DYNC1H1: variants seen among roughly 807,000 people sequenced by gnomAD.
The protein encoded by DYNC1H1 is dynein cytoplasmic 1 heavy chain 1.
DYNC1H1 carries 51 observed loss-of-function variants against 527.1 expected under a neutral mutation model. The observed-to-expected ratio is 0.10, with a 90% CI of 0.08 to 0.12. The LOEUF is 0.12. Ranked by LOEUF, DYNC1H1 falls within the 10% of genes least tolerant of loss-of-function variation. The pLI is 1.00. For synonymous variants in DYNC1H1, 2,189 were observed against 2,278.8 expected (o/e 0.96, Z 1.12); for missense variants, 2,771 against 5,971.8 (o/e 0.46, Z 17.66).
chr14:101,998,696 T>C (rs1033185400), intron 16 of DYNC1H1, among the ~76,000 whole-genome samples: 2 of 152,178 alleles, frequency 1.3e-5, no homozygotes, highest in East Asian at 3.9e-4. Context: ...GGTTCTACTG[T>C]GTGCTTAATT....
chr14:101,994,353 T>G, intron 12 of DYNC1H1, 29 bp downstream of exon 12: 1 of 1,614,094 alleles, frequency 6.2e-7, no homozygotes, highest in Admixed American at 1.7e-5. Context: ...CATTCAAATG[T>G]GCATATGGTC....
At position 102,016,718 on chromosome 14, in the gene DYNC1H1, G is replaced by C; in HGVS notation, c.7615-48G>C. ...TGTTCAGGTAAACAAACCTCGTGAG[G>C]AGGCACCTTGGTTGCAGCCGGACTC... On this transcript the variant is annotated intron_variant, in intron 37 of 77. Coordinates refer to ENST00000360184, the MANE Select transcript of DYNC1H1 (RefSeq NM_001376.5). The surrounding 1 kb of genome is among the most constrained non-coding windows in gnomAD (Gnocchi z 7.3). 6.3e-7 allele frequency: 1 copy of C among 1,594,540 alleles called. No individual in the cohort carries two copies.
Position 102,048,675 on chromosome 14 carries a change from TGA to T in DYNC1H1, c.13372+10_13372+11del. The T allele has an allele frequency of 6.2e-7, 1 of 1,612,298 alleles. No homozygotes were observed. The highest frequency in any genetic ancestry group is 8.5e-7 in the Non-Finnish European group (1 of 1,179,784). The stretch of plus-strand genomic sequence containing the variant: ...GATCAACGAGCTAGTGAAAGGTGCG[TGA>T]GAGGCCGAACTCGTGGTGTGGCTTC... On this transcript the variant is annotated splice_region_variant and intron_variant, in intron 74 of 77. Coordinates refer to ENST00000360184, the MANE Select transcript of DYNC1H1 (RefSeq NM_001376.5).
Position 102,050,622 on chromosome 14 carries a change from T to A in DYNC1H1, c.*59T>A. The stretch of plus-strand genomic sequence containing the variant: ...AGTTGGTATTTAACATTTATTCATT[T>A]TTAAAATATTTGGAAGGTCTGAGCT... On this transcript the variant is annotated 3_prime_UTR_variant, in exon 78 of 78. Transcript: ENST00000360184. The A allele has an allele frequency of 2.5e-6, 4 of 1,613,232 alleles. No homozygotes were observed. The highest frequency in any genetic ancestry group is 3.4e-6 in the Non-Finnish European group (4 of 1,179,350).
At position 102,044,949 on chromosome 14, in the gene DYNC1H1, A is replaced by C. The variant is rs1323084054; in HGVS notation, c.13006+251A>C. 2 of 562,608 alleles carry C rather than the reference A, an allele frequency of 3.6e-6. No individual in the cohort carries two copies. The highest frequency in any genetic ancestry group is 6.4e-6 in the Non-Finnish European group (2 of 313,416). 34.9% of individuals were successfully genotyped at this position (562,608 alleles called of 1,614,324 possible). Reference sequence around the variant, plus strand: ...CAGCATCAACTCAGTTCTAGAGAAAAGGCTTGATATTTATGTAAATGAGCC... The same window carrying C: ...CAGCATCAACTCAGTTCTAGAGAAACGGCTTGATATTTATGTAAATGAGCC... On this transcript the variant is annotated intron_variant, in intron 72 of 77. Transcript: ENST00000360184. The surrounding 1 kb of genome is among the most constrained non-coding windows in gnomAD (Gnocchi z 7.1).
chr14:101,995,474 G>A (rs1416301033), intron 15 of DYNC1H1, among the ~76,000 whole-genome samples, 174 bp downstream of exon 15: 1 of 152,110 alleles, frequency 6.6e-6, no homozygotes, highest in African/African-American at 2.4e-5. Context: ...AGCCGGGTGT[G>A]GTGGCGGGTA....
intron 2 of DYNC1H1, among the ~76,000 whole-genome samples, chr14:101,976,814 T>G (rs771566029): frequency 2.6e-5 from 4 of 152,116 alleles, no homozygotes; most frequent in Non-Finnish European, 5.9e-5. Flanking sequence ...TAGAAAATAT[T>G]TGCGGGAAAA....
chr14:102,032,680 T>C (rs1595625696), intron 52 of DYNC1H1: 3 of 644,824 alleles, frequency 4.7e-6, no homozygotes, highest in East Asian at 5.6e-5. Flanking sequence ...GGCGACACCC[T>C]GTCTCTACAA....
At position 102,015,412 on chromosome 14, in the gene DYNC1H1, C is replaced by A; in HGVS notation, c.7242+80C>A. 6.8e-7 allele frequency: 1 copy of A among 1,463,416 alleles called. No individual in the cohort carries two copies. Among genetic ancestry groups the A allele is most frequent in the Non-Finnish European group, 9.2e-7 (1 of 1,082,936 alleles). The allele number at this position is 1,463,416 out of a possible 1,614,324, so 90.7% of individuals were successfully genotyped here. A position where few individuals can be genotyped will look rare whatever the true frequency, so the allele number is the denominator to read the frequency against. ...ATGTGGTCTCGCTGTGTTGCCCACGCTGGTCTTGAACTCCTGGGCCCAAGC... is the reference window on the plus strand; with the variant it reads ...ATGTGGTCTCGCTGTGTTGCCCACGATGGTCTTGAACTCCTGGGCCCAAGC... On this transcript the variant is annotated intron_variant, in intron 35 of 77. Coordinates refer to ENST00000360184, the MANE Select transcript of DYNC1H1 (RefSeq NM_001376.5). The surrounding 1 kb of genome is among the most constrained non-coding windows in gnomAD (Gnocchi z 6.9).
Position 102,043,884 on chromosome 14 carries a change from G to A in DYNC1H1, c.12523G>A (p.Glu4175Lys). Residue 4175 changes from glutamate to lysine, a missense_variant, in exon 70 of 78, where the codon GAG becomes AAG. Glu to Lys is a moderately conservative substitution (Grantham distance 56, BLOSUM62 1). Coordinates refer to ENST00000360184, the MANE Select transcript of DYNC1H1 (RefSeq NM_001376.5). The part of the protein sequence containing the change: ...PVSRICKSPN[E>K]RARLYFLLAW... ...TCACTTTCCTCACCAGTCTCCCAAC[G>A]AGCGTGCCCGCTTGTACTTCCTGCT... The A allele has an allele frequency of 1.2e-6, 2 of 1,614,156 alleles. No homozygotes were observed. The highest frequency in any genetic ancestry group is 1.7e-6 in the Non-Finnish European group (2 of 1,180,038).
chr14:102,045,182 A>T, intron 72 of DYNC1H1: 1 of 219,828 alleles, frequency 4.5e-6, no homozygotes. Flanking sequence ...AGGCACCTGT[A>T]ATCCCAGCTA....
rs2048143413 is a variant in DYNC1H1, at chr14:102,002,479, G to C, written c.4543-58G>C. 2 of 1,605,936 alleles carry C rather than the reference G, an allele frequency of 1.2e-6. No homozygotes were observed. Among genetic ancestry groups the C allele is most frequent in the Non-Finnish European group, 1.7e-6 (2 of 1,173,936 alleles). On this transcript the variant is annotated intron_variant, in intron 21 of 77. Transcript: ENST00000360184. This position sits in a 1 kb window ranked among gnomAD's most constrained non-coding sequence, Gnocchi z 4.4. ...GATCTGCGCTTTTTCAGTGAGTTTT[G>C]GCATATCTGTGAGTAGAAGGGTCAG...
At chr14:101,970,548 T>C (rs577239465) in intron 1 of DYNC1H1, among the ~76,000 whole-genome samples, 29 of 134,052 alleles carry the variant, frequency 2.2e-4, no homozygotes, top group African/African-American at 8.3e-4. Flanking sequence ...AGTGGCACGA[T>C]CTCCGCTCAC....
rs1192749921 is a variant in DYNC1H1, at chr14:102,049,497, AGTGGGTGTCCGACTTCAG to A, written c.13431_13448del (p.Gln4477_Ser4483delinsHis). On this transcript the variant is annotated inframe_deletion, in exon 75 of 78. Transcript: ENST00000360184. This position sits in a 1 kb window ranked among gnomAD's most constrained non-coding sequence, Gnocchi z 5.5. ...GTGCCTGCCGGCATGACCGTCATCC[AGTGGGTGTCCGACTTCAG>A]CGAGAGGATCAAACAGCTGCAGAAC... 6.2e-7 allele frequency: 1 copy of A among 1,614,190 alleles called. No homozygotes were observed.
At chr14:101,976,280 C>T (rs2047799560) in intron 2 of DYNC1H1, among the ~76,000 whole-genome samples, 1 of 151,326 alleles carries the variant, frequency 6.6e-6, no homozygotes, top group Admixed American at 6.6e-5. Context: ...CGGTGGCTCA[C>T]GCCTGTAATC....
chr14:102,017,340 G>C lies in DYNC1H1; in HGVS notation c.8056-43G>C, dbSNP rs780779865. On this transcript the variant is annotated intron_variant, in intron 39 of 77. Coordinates refer to ENST00000360184, the MANE Select transcript of DYNC1H1 (RefSeq NM_001376.5). The surrounding 1 kb of genome is among the most constrained non-coding windows in gnomAD (Gnocchi z 4.6). The stretch of plus-strand genomic sequence containing the variant: ...CCCTTCCTGCCCCACAATGTTTCTT[G>C]TTCAAGTTTTGCTCTTAATGTGGTA... 16 of 1,614,080 alleles carry C rather than the reference G, an allele frequency of 9.9e-6. No homozygotes were observed. In the East Asian group the frequency reaches 3.3e-4, roughly 34 times the overall value.
intron 5 of DYNC1H1, among the ~76,000 whole-genome samples, chr14:101,981,131 A>AT (rs1003590951): frequency 2.5e-4 from 38 of 151,690 alleles, no homozygotes; most frequent in African/African-American, 9.2e-4. Flanking sequence ...TTTAAAATTT[A>AT]TTTTTTTTAA....
rs1404578827 is a variant in DYNC1H1, at chr14:102,032,384, C to T, written c.9996C>T (p.Thr3332=). 1.2e-6 allele frequency: 2 copies of T among 1,614,120 alleles called. No homozygotes were observed. Among genetic ancestry groups the T allele is most frequent in the South Asian group, 1.1e-5 (1 of 91,088 alleles). Residue 3332 remains threonine (T), a synonymous_variant, in exon 52 of 78, where the codon ACC becomes ACT. Coordinates refer to ENST00000360184, the MANE Select transcript of DYNC1H1 (RefSeq NM_001376.5). ...ESICLLLGES[T]TDWKQIRSII... Reference sequence around the variant, plus strand: ...TCTGCCTGCTGCTGGGGGAAAGCACCACAGACTGGAAGCAGATCCGCTCCA... The same window carrying T: ...TCTGCCTGCTGCTGGGGGAAAGCACTACAGACTGGAAGCAGATCCGCTCCA...
Position 102,029,950 on chromosome 14 carries a change from G to A in DYNC1H1, c.9762+12G>A. On this transcript the variant is annotated intron_variant, in intron 50 of 77. Transcript: ENST00000360184. This position sits in a 1 kb window ranked among gnomAD's most constrained non-coding sequence, Gnocchi z 5.3. ...CTGAAAAGAAGAAGGTATGGTGTCA[G>A]GGAATTCTGGCCTGTAAGGACTGAG... is the stretch of plus-strand genomic sequence containing the variant. The A allele has an allele frequency of 6.2e-7, 1 of 1,614,068 alleles. No homozygotes were observed. The highest frequency in any genetic ancestry group is 1.1e-5 in the South Asian group (1 of 91,014).
Sources: gnomAD v4.1 joint callset for allele counts (sites outside exome capture counted in the v4.1 genomes callset) on GRCh38, gnomAD v4.1.1 for gene constraint, Gnocchi (gnomAD v3.1) non-coding constraint, MANE v1.5 for transcripts, NCBI Gene and HGNC (gene_info 2026-07-23, HGNC 2026-07-21) for gene names.